CDH4: variants seen among roughly 807,000 people sequenced by gnomAD.
CDH4 encodes cadherin-4.
Under a neutral mutation model 86.0 loss-of-function variants are expected in CDH4, and 33 were observed. The ratio of observed to expected loss-of-function variants is 0.38; its 90% CI spans 0.29 to 0.51. The LOEUF (loss-of-function observed/expected upper bound fraction) is 0.51, where lower values mean the gene tolerates loss of function less well. Among genes scored for constraint, CDH4 ranks in the 20% least tolerant of loss-of-function variants. The probability of loss-of-function intolerance (pLI) is 0.86; values close to 1 mark genes in which losing one functional copy is unlikely to be tolerated. For synonymous variants in CDH4, 555 were observed against 549.4 expected (o/e 1.01, Z -0.14); for missense variants, 1,114 against 1,307.4 (o/e 0.85, Z 2.28).
At chr20:61,569,992 C>T (rs534022226) in intron 2 of CDH4, 2 of 152,314 alleles carry the variant, frequency 1.3e-5, no homozygotes, top group African/African-American at 4.8e-5. Context: ...TTTAGCTGGC[C>T]GCTCACTGTC....
chr20:61,900,488 C>T (rs942216345), intron 8 of CDH4, among the ~76,000 whole-genome samples: 7 of 152,282 alleles, frequency 4.6e-5, no homozygotes, highest in East Asian at 3.9e-4. Context: ...TTCCCAGAGA[C>T]GGCTGCAGAG....
rs1187322226 is a variant in CDH4 at position 61,480,560 on chromosome 20, G to A, written c.169+225623G>A. On this transcript the variant is annotated intron_variant, in intron 2 of 15. Coordinates refer to ENST00000614565, the MANE Select transcript of CDH4 (RefSeq NM_001794.5). The surrounding 1 kb of genome is among the most constrained non-coding windows in gnomAD (Gnocchi z 5.2). ...CCCTTCCCAGTGGCAGCGAATCCCCGTCCTGACCGGGGCCTGGTGGCTGGC... is the reference window on the plus strand; with the variant it reads ...CCCTTCCCAGTGGCAGCGAATCCCCATCCTGACCGGGGCCTGGTGGCTGGC... 6.6e-6 allele frequency among the ~76,000 whole-genome samples: 1 copy of A among 152,180 alleles called. No individual in the cohort carries two copies. The highest frequency in any genetic ancestry group is 2.4e-5 in the African/African-American group (1 of 41,448).
At chr20:61,639,303 G>A (rs1177227485) in intron 2 of CDH4, among the ~76,000 whole-genome samples, 4 of 152,172 alleles carry the variant, frequency 2.6e-5, no homozygotes, top group African/African-American at 7.2e-5. Flanking sequence ...GGCATTCTCT[G>A]CATTGGTCCT....
chr20:61,535,044 T>C (rs1371827608), intron 2 of CDH4, among the ~76,000 whole-genome samples: 1 of 152,244 alleles, frequency 6.6e-6, no homozygotes, highest in African/African-American at 2.4e-5. Flanking sequence ...ATACAAACCT[T>C]TGCAGACTCA....
At chr20:61,302,855 A>T (rs1280988821) in intron 2 of CDH4, among the ~76,000 whole-genome samples, 3 of 152,184 alleles carry the variant, frequency 2.0e-5, no homozygotes, top group Non-Finnish European at 4.4e-5. Flanking sequence ...TAGAACCCCA[A>T]GGTCCCTTCC....
chr20:61,853,987 G>A (rs964581292), intron 6 of CDH4, among the ~76,000 whole-genome samples: 3 of 152,164 alleles, frequency 2.0e-5, no homozygotes, highest in Non-Finnish European at 2.9e-5. Flanking sequence ...TTAAAGTGTG[G>A]CCTAAGCACC....
intron 2 of CDH4, among the ~76,000 whole-genome samples, chr20:61,401,352 C>A (rs535305529): frequency 6.6e-6 from 1 of 151,776 alleles, no homozygotes; most frequent in Non-Finnish European, 1.5e-5. Context: ...CCCTGTTGTG[C>A]GTTGAACTAT....
intron 2 of CDH4, among the ~76,000 whole-genome samples, chr20:61,472,309 A>G (rs1022131433): frequency 3.9e-5 from 6 of 152,172 alleles, no homozygotes; most frequent in African/African-American, 1.4e-4. Flanking sequence ...TTTGTCTGAT[A>G]TAAGTGTAGC....
chr20:61,740,783 G>A (rs972901500), intron 2 of CDH4: 8 of 152,244 alleles, frequency 5.3e-5, no homozygotes, highest in Non-Finnish European at 1.0e-4. Flanking sequence ...CAGACACAGA[G>A]GTCGTGTTTG....
chr20:61,253,785 T>G (rs1205678332), intron 1 of CDH4, among the ~76,000 whole-genome samples: 1 of 151,882 alleles, frequency 6.6e-6, no homozygotes, highest in Non-Finnish European at 1.5e-5. Context: ...AGCTCCGGGC[T>G]GGGGGCGGCC....
In CDH4 at chr20:61,931,239, A is replaced by G. The variant is rs573746372; in HGVS notation, c.2239+1397A>G. Among the ~76,000 whole-genome samples, 946 of 152,316 alleles carry G rather than the reference A, an allele frequency of 6.2e-3. 3 individuals are homozygous for G. Among genetic ancestry groups the G allele is most frequent in the Non-Finnish European group, 8.6e-3 (585 of 68,020 alleles). On this transcript the variant is annotated intron_variant, in intron 13 of 15. Coordinates refer to ENST00000614565, the MANE Select transcript of CDH4 (RefSeq NM_001794.5). The stretch of plus-strand genomic sequence containing the variant: ...GCCTTGTGGCTTCCGTCGAGCCAAG[A>G]CTAGGCCCGGGCTCCAGGCTCCAGG...
At chr20:61,650,272 G>A (rs1213910522) in intron 2 of CDH4, among the ~76,000 whole-genome samples, 5 of 152,172 alleles carry the variant, frequency 3.3e-5, no homozygotes, top group Admixed American at 6.5e-5. Flanking sequence ...CGCTGACCTC[G>A]TTTACTGTTC....
chr20:61,907,922 A>C (rs888045105), intron 8 of CDH4, among the ~76,000 whole-genome samples: 4 of 152,188 alleles, frequency 2.6e-5, no homozygotes, highest in Admixed American at 1.3e-4. Context: ...CTCCACAGAC[A>C]GGGCTGAGAT....
intron 2 of CDH4, among the ~76,000 whole-genome samples, chr20:61,683,705 G>C (rs1319010367): frequency 6.6e-6 from 1 of 152,224 alleles, no homozygotes; most frequent in African/African-American, 2.4e-5. Context: ...TTGCTTGGAG[G>C]GGCATGATCT....
At chr20:61,812,529 C>T (rs900703333) in intron 4 of CDH4, among the ~76,000 whole-genome samples, 3 of 152,124 alleles carry the variant, frequency 2.0e-5, no homozygotes, top group South Asian at 2.1e-4. Flanking sequence ...CTTTAACCCC[C>T]GAGAGAATTT....
At chr20:61,687,149 C>T (rs1175014050) in intron 2 of CDH4, among the ~76,000 whole-genome samples, 1 of 152,200 alleles carries the variant, frequency 6.6e-6, no homozygotes, top group Non-Finnish European at 1.5e-5. Flanking sequence ...AGTGCGTGTT[C>T]GGTGTCCACT....
intron 2 of CDH4, among the ~76,000 whole-genome samples, chr20:61,264,845 C>T: frequency 7.4e-6 from 1 of 135,986 alleles, no homozygotes; most frequent in African/African-American, 2.9e-5. Flanking sequence ...TCATTCAGTC[C>T]TACACATACC....
At chr20:61,634,994 G>T (rs2086931944) in intron 2 of CDH4, among the ~76,000 whole-genome samples, 1 of 152,182 alleles carries the variant, frequency 6.6e-6, no homozygotes, top group South Asian at 2.1e-4. Context: ...AGTCTGAGTG[G>T]TTGCCATTCT....
intron 2 of CDH4, among the ~76,000 whole-genome samples, chr20:61,304,866 G>T (rs962515249): frequency 4.0e-5 from 6 of 151,874 alleles, no homozygotes; most frequent in African/African-American, 1.5e-4. Context: ...TATTGTGTGT[G>T]TGTGTGTTCG....
Sources: allele counts gnomAD v4.1 joint callset (sites outside exome capture counted in the v4.1 genomes callset), GRCh38; gene constraint gnomAD v4.1.1; non-coding constraint Gnocchi (gnomAD v3.1); transcripts MANE v1.5; gene names NCBI Gene and HGNC (gene_info 2026-07-23, HGNC 2026-07-21).